The following TARS2 variants were observed in gnomAD, a reference collection of about 807,000 sequenced individuals.
The protein encoded by TARS2 is threonine--tRNA ligase, mitochondrial.
In TARS2, 61 loss-of-function variants were observed where a neutral mutation model predicts 94.4. That is an observed-to-expected ratio of 0.65 (90% CI 0.53 to 0.80). TARS2 has a LOEUF of 0.80. Ranked by LOEUF, TARS2 falls within the 30% of genes least tolerant of loss-of-function variation. TARS2 has a pLI of 0.00. For missense variants in TARS2, 704 were observed against 902.5 expected, an observed-to-expected ratio of 0.78 and a Z score of 2.82; for synonymous variants, 359 against 353.4, an observed-to-expected ratio of 1.02 and a Z score of -0.18.
At chr1:150,506,014 T>C (rs923899226) in intron 17 of TARS2, among the ~76,000 whole-genome samples, 11 of 152,190 alleles carry the variant, frequency 7.2e-5, no homozygotes, top group Non-Finnish European at 1.0e-4. Flanking sequence ...AATACAGCGT[T>C]AATTACCCTT....
chr1:150,491,807 T>C, intron 6 of TARS2, 145 bp downstream of exon 6: 4 of 880,608 alleles, frequency 4.5e-6, no homozygotes, highest in South Asian at 1.7e-5. Flanking sequence ...TTTTTTTTCT[T>C]TTTTTGAGAC....
rs1412628448 is a variant in TARS2 at position 150,487,457 on chromosome 1, C to G, written c.7C>G (p.Leu3Val). ...GGCACTGGTGTGAAGGAACATGGCC[C>G]TGTATCAGAGGTGGCGGTGTCTCCG... MA[L>V]YQRWRCLRLQ... is the part of the protein sequence containing the mutation. Residue 3 changes from leucine to valine, a missense_variant, in exon 1 of 18, where the codon CTG becomes GTG. Leu to Val is a conservative substitution (Grantham distance 32, BLOSUM62 1). Coordinates refer to ENST00000369064, the MANE Select transcript of TARS2 (RefSeq NM_025150.5). 1 of 1,614,212 alleles carries G rather than the reference C, an allele frequency of 6.2e-7. No homozygotes were observed. Among genetic ancestry groups the G allele is most frequent in the Non-Finnish European group, 8.5e-7 (1 of 1,180,046 alleles).
Position 150,506,996 on chromosome 1 carries a change from C to A in TARS2, c.2089C>A (p.Pro697Thr). 1 of 1,614,094 alleles carries A rather than the reference C, an allele frequency of 6.2e-7. No homozygotes were observed. Among genetic ancestry groups the A allele is most frequent in the Non-Finnish European group, 8.5e-7 (1 of 1,180,020 alleles). ...TCGTCGCCTTGGGGAGTGGGACTTG[C>A]CTGAGGCTGTGCAGCGACTGGTGGA... Reference protein sequence around the residue: ...DNRRLGEWDLPEAVQRLVELQ... With the variant: ...DNRRLGEWDLTEAVQRLVELQ... The change falls in exon 18 of 18, where the codon CCT becomes ACT. Residue 697 changes from proline to threonine, a missense_variant. Transcript: ENST00000369064.
rs2102518325 is a variant in TARS2, at chr1:150,507,199, AAG to A, written c.*139_*140del. 8.0e-7 allele frequency: 1 copy of A among 1,252,780 alleles called. No homozygotes were observed. Among genetic ancestry groups the A allele is most frequent in the South Asian group, 1.6e-5 (1 of 61,972 alleles). The allele number at this position is 1,252,780 out of a possible 1,614,324, so 77.6% of individuals were successfully genotyped here. ...GGAGGCACATGTCTGCTCTCCTGAA[AAG>A]AGACTTGGTTTGGGGACCCCACAAA... On this transcript the variant is annotated 3_prime_UTR_variant, in exon 18 of 18. Transcript: ENST00000369064.
intron 6 of TARS2, chr1:150,491,961 GTTT>G (rs367685337): frequency 2.0e-3 from 257 of 128,590 alleles, no homozygotes; most frequent in East Asian, 8.3e-3. Context: ...TGCCTGGCTA[GTTT>G]TTTTTTTTTT....
chr1:150,488,240 G>C (rs1669235866), intron 2 of TARS2, 186 bp downstream of exon 2: 6 of 648,402 alleles, frequency 9.3e-6, no homozygotes, highest in Non-Finnish European at 1.5e-5. Context: ...TCTCCATGTT[G>C]CCCAGGCTAG....
At chr1:150,498,709 C>G (rs779370150) in intron 11 of TARS2, 45 bp downstream of exon 11, 1 of 1,612,890 alleles carries the variant, frequency 6.2e-7, no homozygotes, top group Non-Finnish European at 8.5e-7. Context: ...AACCACCTTT[C>G]TTTCTCCCTA....
rs1669199097 is a variant in TARS2 at position 150,487,486 on chromosome 1, C to G, written c.36C>G (p.Leu12=). The change falls in exon 1 of 18, where the codon CTC becomes CTG. Residue 12 remains leucine, a synonymous_variant. Coordinates refer to ENST00000369064, the MANE Select transcript of TARS2 (RefSeq NM_025150.5). ...ATCAGAGGTGGCGGTGTCTCCGGCT[C>G]CAAGGTTTACAGGCTTGCAGGCTAC... ...ALYQRWRCLR[L]QGLQACRLHT... is the part of the protein sequence containing the mutation. 6.2e-7 allele frequency: 1 copy of G among 1,614,212 alleles called. No individual in the cohort carries two copies. Among genetic ancestry groups the G allele is most frequent in the Non-Finnish European group, 8.5e-7 (1 of 1,180,034 alleles).
chr1:150,505,659 C>T lies in TARS2; in HGVS notation c.1962C>T (p.Ser654=). 3 of 1,614,178 alleles carry T rather than the reference C, an allele frequency of 1.9e-6. No individual in the cohort carries two copies. The highest frequency in any genetic ancestry group is 2.5e-6 in the Non-Finnish European group (3 of 1,180,026). Residue 654 remains serine (S), a synonymous_variant, in exon 17 of 18, where the codon AGC becomes AGT. Coordinates refer to ENST00000369064, the MANE Select transcript of TARS2 (RefSeq NM_025150.5). ...DLDADSGLTL[S]RRIRRAQLAH... is the part of the protein sequence containing the mutation. The stretch of plus-strand genomic sequence containing the variant: ...ATGCAGACTCTGGACTGACCCTCAG[C>T]CGGAGAATCCGCCGGGCCCAGCTTG...
chr1:150,496,830 C>T lies in TARS2; in HGVS notation c.942C>T (p.Phe314=), dbSNP rs200311076. ...CCCAGGAACAGGAGCTCTTCTTCTT[C>T]CATGAACTGAGCCCTGGGAGCTGCT... ...RIGKEQELFF[F]HELSPGSCFF... is the part of the protein sequence containing the mutation. The change falls in exon 9 of 18, where the codon TTC becomes TTT. Residue 314 remains phenylalanine (F), a synonymous_variant. Transcript: ENST00000369064. The T allele has an allele frequency of 6.2e-7, 1 of 1,614,054 alleles. No individual in the cohort carries two copies. Among genetic ancestry groups the T allele is most frequent in the Admixed American group, 1.7e-5 (1 of 60,008 alleles).
At chr1:150,489,168 T>G in intron 3 of TARS2, 81 bp downstream of exon 3, 1 of 1,602,530 alleles carries the variant, frequency 6.2e-7, no homozygotes, top group Non-Finnish European at 8.5e-7. Flanking sequence ...TTTTATTCTT[T>G]TGCCGCAGTT....
chr1:150,498,408 G>A, intron 10 of TARS2, 94 bp from the exon 11 acceptor site: 1 of 1,447,856 alleles, frequency 6.9e-7, no homozygotes, highest in Non-Finnish European at 9.2e-7. Context: ...ATAGCAGATG[G>A]TGCAGAGAAA....
rs754354178 is a variant in TARS2, at chr1:150,505,660, C to T, written c.1963C>T (p.Arg655Trp). 14 of 1,614,030 alleles carry T rather than the reference C, an allele frequency of 8.7e-6. No individual in the cohort carries two copies. The highest frequency in any genetic ancestry group is 4.0e-5 in the African/African-American group (3 of 74,934). ...TGCAGACTCTGGACTGACCCTCAGC[C>T]GGAGAATCCGCCGGGCCCAGCTTGC... is the stretch of plus-strand genomic sequence containing the variant. Reference protein sequence around the residue: ...LDADSGLTLSRRIRRAQLAHY... With the variant: ...LDADSGLTLSWRIRRAQLAHY... The change falls in exon 17 of 18, where the codon CGG (arginine) becomes TGG (tryptophan). Residue 655 changes from arginine (R) to tryptophan (W), a missense_variant. This residue lies in a region of TARS2 where 466 missense variants were observed against 609.5 expected (regional missense o/e 0.76). Transcript: ENST00000369064.
rs41264465 is a variant in TARS2 at position 150,498,514 on chromosome 1, C to T, written c.1251C>T (p.Ala417=). 7.7e-3 allele frequency: 12,246 copies of T among 1,581,268 alleles called. 55 individuals carry two copies. The highest frequency in any genetic ancestry group is 9.4e-3 in the Non-Finnish European group (10,959 of 1,167,512). The change falls in exon 11 of 18, where the codon GCC becomes GCT. Residue 417 remains alanine, a synonymous_variant. Transcript: ENST00000369064. The stretch of plus-strand genomic sequence containing the variant: ...ACCCCAACCTCAGCCTGATGTTCGC[C>T]CACCGGCCCAGATCCTGGCGGGAAC... ...MNCPAHCLMF[A]HRPRSWRELP...
chr1:150,492,554 G>C, intron 7 of TARS2, 65 bp downstream of exon 7: 1 of 1,552,982 alleles, frequency 6.4e-7, no homozygotes, highest in South Asian at 1.1e-5. Flanking sequence ...GCTCACGCTT[G>C]TAATCCCAGC....
chr1:150,499,485 T>G (rs587748213), intron 13 of TARS2, among the ~76,000 whole-genome samples, 192 bp downstream of exon 13: 1 of 152,150 alleles, frequency 6.6e-6, no homozygotes, highest in African/African-American at 2.4e-5. Flanking sequence ...TGCCTCAGCC[T>G]CCCGAGTAGC....
intron 13 of TARS2, 33 bp downstream of exon 13, chr1:150,499,326 A>G (rs773275958): frequency 6.3e-7 from 1 of 1,591,896 alleles, no homozygotes; most frequent in South Asian, 1.1e-5. Flanking sequence ...TGTTGTATTT[A>G]TTTATTTTTT....
At position 150,507,255 on chromosome 1, in the gene TARS2, G is replaced by A; in HGVS notation, c.*191G>A. The stretch of plus-strand genomic sequence containing the variant: ...AGGGAAGCTGTAGCTGTTTGGATGT[G>A]AGGAGAATGAAACTACAAAAAAAAA... On this transcript the variant is annotated 3_prime_UTR_variant, in exon 18 of 18. Coordinates refer to ENST00000369064, the MANE Select transcript of TARS2 (RefSeq NM_025150.5). The A allele has an allele frequency of 1.4e-6, 1 of 705,782 alleles. No homozygotes were observed. The allele number at this position is 705,782 out of a possible 1,614,324, so 43.7% of individuals were successfully genotyped here.
intron 10 of TARS2, among the ~76,000 whole-genome samples, chr1:150,498,116 A>C (rs981138286): frequency 5.3e-5 from 8 of 150,702 alleles, no homozygotes; most frequent in African/African-American, 7.3e-5. Context: ...AAAAGAAAGC[A>C]CCTTGGAAAG....
Sources: allele counts gnomAD v4.1 joint callset (sites outside exome capture counted in the v4.1 genomes callset), GRCh38; gene constraint gnomAD v4.1.1; regional missense constraint gnomAD v4.1.1; transcripts MANE v1.5; gene names NCBI Gene and HGNC (gene_info 2026-07-23, HGNC 2026-07-21).